Variants in ANKRD18B observed in about 807,000 individuals in gnomAD.
The protein encoded by ANKRD18B is ankyrin repeat domain-containing protein 18B.
In ANKRD18B, 75 loss-of-function variants were observed where a neutral mutation model predicts 111.8. That is an observed-to-expected ratio of 0.67 (90% CI 0.56 to 0.81). The LOEUF (loss-of-function observed/expected upper bound fraction) is 0.81. Ranked by LOEUF, ANKRD18B falls within the 40% of genes least tolerant of loss-of-function variation. The pLI is 0.00. For missense variants in ANKRD18B, 1,038 were observed against 1,225.5 expected, an observed-to-expected ratio of 0.85 and a Z score of 2.28; for synonymous variants, 356 against 417.3, an observed-to-expected ratio of 0.85 and a Z score of 1.79.
At chr9:33,554,149 GAGAA>G (rs1179266405) in intron 12 of ANKRD18B, among the ~76,000 whole-genome samples, 5 of 95,188 alleles carry the variant, frequency 5.3e-5, no homozygotes, top group Middle Eastern at 6.3e-3. Context: ...GAGAGAGAGA[GAGAA>G]AGAAAGAAAG....
intron 14 of ANKRD18B, among the ~76,000 whole-genome samples, chr9:33,562,946 A>T (rs1828628306): frequency 6.6e-6 from 1 of 152,146 alleles, no homozygotes; most frequent in African/African-American, 2.4e-5. Flanking sequence ...AAGTATTTCC[A>T]GTTGTTTTTC....
intron 15 of ANKRD18B, 99 bp from the exon 16 acceptor site, chr9:33,567,004 A>G: frequency 8.1e-7 from 1 of 1,229,244 alleles, no homozygotes; most frequent in Admixed American, 3.1e-5. Flanking sequence ...AACATATTCA[A>G]AATTGCTCTT....
intron 10 of ANKRD18B, among the ~76,000 whole-genome samples, chr9:33,544,403 CCT>C (rs1339412038): frequency 6.6e-6 from 1 of 151,782 alleles, no homozygotes; most frequent in Non-Finnish European, 1.5e-5. Context: ...AAACATGCAC[CCT>C]GTCAGAAAAG....
chr9:33,528,907 T>G, intron 2 of ANKRD18B, 66 bp downstream of exon 2: 4 of 1,561,586 alleles, frequency 2.6e-6, no homozygotes, highest in Non-Finnish European at 3.5e-6. Context: ...AATGAATTTG[T>G]CTCATTTAAA....
At chr9:33,575,008 A>G (rs1023055594), downstream of ANKRD18B, among the ~76,000 whole-genome samples, 10 of 152,152 alleles carry the variant, frequency 6.6e-5, no homozygotes, top group East Asian at 1.9e-4. Context: ...CTGACTGCTC[A>G]GACTCAGGTG....
At chr9:33,540,970 A>C (rs1200136298) in intron 8 of ANKRD18B, among the ~76,000 whole-genome samples, 177 bp from the exon 9 acceptor site, 2 of 152,132 alleles carry the variant, frequency 1.3e-5, no homozygotes, top group Non-Finnish European at 2.9e-5. Flanking sequence ...ATTATTTACT[A>C]TGTATTTAGT....
intron 12 of ANKRD18B, among the ~76,000 whole-genome samples, chr9:33,552,559 G>A (rs1172131806): frequency 1.3e-5 from 2 of 152,142 alleles, no homozygotes; most frequent in Admixed American, 1.3e-4. Context: ...TCCAGGAGGT[G>A]CTGTTTCCAT....
At chr9:33,557,795 A>C (rs991806238) in intron 13 of ANKRD18B, among the ~76,000 whole-genome samples, 8 of 151,758 alleles carry the variant, frequency 5.3e-5, no homozygotes, top group Non-Finnish European at 8.8e-5. Context: ...TCTCAAAAAA[A>C]ACAAACAAAA....
intron 10 of ANKRD18B, among the ~76,000 whole-genome samples, chr9:33,547,432 T>A (rs377113641): frequency 6.6e-6 from 1 of 152,132 alleles, no homozygotes. Context: ...AAATGTTGAG[T>A]CAAATCACAA....
chr9:33,535,110 G>C (rs1421526561), intron 5 of ANKRD18B, among the ~76,000 whole-genome samples: 3 of 151,860 alleles, frequency 2.0e-5, no homozygotes, highest in Admixed American at 6.6e-5. Flanking sequence ...AGGGGAAAAG[G>C]CCATTCTAGT....
chr9:33,536,183 A>C (rs1294812843), intron 5 of ANKRD18B, among the ~76,000 whole-genome samples: 2 of 150,402 alleles, frequency 1.3e-5, no homozygotes, highest in East Asian at 3.9e-4. Flanking sequence ...GCTCAGTAAC[A>C]GGGGACAATT....
chr9:33,558,941 T>C (rs1828567420), intron 14 of ANKRD18B, among the ~76,000 whole-genome samples: 1 of 152,018 alleles, frequency 6.6e-6, no homozygotes, highest in African/African-American at 2.4e-5. Context: ...CATAAATCAA[T>C]ATGAGGAAGG....
chr9:33,568,219 T>G (rs1828715775), intron 16 of ANKRD18B, among the ~76,000 whole-genome samples: 1 of 152,254 alleles, frequency 6.6e-6, no homozygotes, highest in Non-Finnish European at 1.5e-5. Context: ...TAATCTACAT[T>G]ATTTAAGGAG....
intron 16 of ANKRD18B, among the ~76,000 whole-genome samples, chr9:33,568,435 TCTACTTTGAA>T (rs1828719301): frequency 6.6e-6 from 1 of 152,220 alleles, no homozygotes; most frequent in Non-Finnish European, 1.5e-5. Context: ...CTCTTCCCTG[TCTACTTTGAA>T]CTGCTTGTTC....
intron 5 of ANKRD18B, among the ~76,000 whole-genome samples, chr9:33,534,853 G>T (rs1232700510): frequency 1.4e-5 from 2 of 140,752 alleles, no homozygotes; most frequent in Non-Finnish European, 3.0e-5. Context: ...TTGAGACAAG[G>T]TCTCACTCTG....
intron 14 of ANKRD18B, among the ~76,000 whole-genome samples, chr9:33,564,072 C>G (rs564805065): frequency 4.1e-4 from 63 of 152,310 alleles, no homozygotes; most frequent in African/African-American, 1.4e-3. Context: ...CCCATGTCAT[C>G]CTCCGACCTC....
chr9:33,527,794 C>T (rs1166450890), intron 1 of ANKRD18B, among the ~76,000 whole-genome samples: 1 of 152,036 alleles, frequency 6.6e-6, no homozygotes, highest in Non-Finnish European at 1.5e-5. Context: ...AATGTAAGGC[C>T]TCATGGATTG....
intron 10 of ANKRD18B, among the ~76,000 whole-genome samples, chr9:33,547,681 A>AGTGTGTGTGTGT (rs55918212): frequency 7.4e-4 from 108 of 146,284 alleles, no homozygotes; most frequent in Non-Finnish European, 1.3e-3. Context: ...AATTCTCTAG[A>AGTGTGTGTGTGT]GTGTGTGTGT....
chr9:33,525,300 T>C (rs545156597), intron 1 of ANKRD18B, among the ~76,000 whole-genome samples: 1 of 152,214 alleles, frequency 6.6e-6, no homozygotes, highest in African/African-American at 2.4e-5. Context: ...CAAAACGTGC[T>C]ATTAATTCCC....
Sources: allele counts gnomAD v4.1 joint callset (sites outside exome capture counted in the v4.1 genomes callset), GRCh38; gene constraint gnomAD v4.1.1; transcripts MANE v1.5; gene names NCBI Gene and HGNC (gene_info 2026-07-23, HGNC 2026-07-21).